The following PTDSS1 variants were observed in gnomAD, a reference collection of about 807,000 sequenced individuals.
PTDSS1 encodes the protein phosphatidylserine synthase 1.
Under a neutral mutation model 70.5 loss-of-function variants are expected in PTDSS1, and 45 were observed. The observed-to-expected ratio is 0.64, with a 90% CI of 0.50 to 0.82. The LOEUF (loss-of-function observed/expected upper bound fraction) is 0.82, where lower values mean the gene tolerates loss of function less well. Ranked by LOEUF, PTDSS1 falls within the 40% of genes least tolerant of loss-of-function variation. The pLI is 0.00. For missense variants in PTDSS1, 417 were observed against 586.1 expected, an observed-to-expected ratio of 0.71 and a Z score of 2.98; for synonymous variants, 188 against 203.8, an observed-to-expected ratio of 0.92 and a Z score of 0.66.
chr8:96,288,394 G>A (rs948035374), intron 4 of PTDSS1, among the ~76,000 whole-genome samples: 1 of 151,668 alleles, frequency 6.6e-6, no homozygotes, highest in South Asian at 2.1e-4. Context: ...GCACAATCTC[G>A]GCTCACTGCA....
chr8:96,263,958 A>G (rs1280448134), intron 1 of PTDSS1, among the ~76,000 whole-genome samples: 1 of 152,214 alleles, frequency 6.6e-6, no homozygotes, highest in African/African-American at 2.4e-5. Context: ...ATCCATTTGA[A>G]AGAATCTACC....
chr8:96,270,595 G>T (rs1810551982), intron 1 of PTDSS1, among the ~76,000 whole-genome samples: 1 of 152,112 alleles, frequency 6.6e-6, no homozygotes, highest in Non-Finnish European at 1.5e-5. Flanking sequence ...TGTGACATTG[G>T]GGCCTTTAGT....
At chr8:96,289,620 C>T (rs1482976905) in intron 4 of PTDSS1, among the ~76,000 whole-genome samples, 1 of 152,102 alleles carries the variant, frequency 6.6e-6, no homozygotes. Context: ...TTAATCCCAA[C>T]ATTTGGTACA....
chr8:96,310,446 G>A (rs1190571752), intron 9 of PTDSS1, among the ~76,000 whole-genome samples: 3 of 151,560 alleles, frequency 2.0e-5, no homozygotes, highest in Admixed American at 6.6e-5. Context: ...ACAGGCATGA[G>A]CCACCGCACC....
intron 4 of PTDSS1, among the ~76,000 whole-genome samples, chr8:96,291,851 G>A (rs1810911794): frequency 6.6e-6 from 1 of 152,160 alleles, no homozygotes; most frequent in Non-Finnish European, 1.5e-5. Flanking sequence ...AGCTGGTGCT[G>A]CGTATCACAC....
chr8:96,333,575 G>C lies in PTDSS1; in HGVS notation c.*9G>C. 2 of 1,594,440 alleles carry C rather than the reference G, an allele frequency of 1.3e-6. No homozygotes were observed. Among genetic ancestry groups the C allele is most frequent in the Non-Finnish European group, 1.7e-6 (2 of 1,162,150 alleles). On this transcript the variant is annotated 3_prime_UTR_variant, in exon 13 of 13. Transcript: ENST00000517309. ...GCGTTGGAAAGAAATGAAAAACCCT[G>C]GTTAATCAAAGATGTTCCAGAGTGC... is the stretch of plus-strand genomic sequence containing the variant.
intron 2 of PTDSS1, among the ~76,000 whole-genome samples, chr8:96,278,421 A>G (rs1303420861): frequency 6.6e-6 from 1 of 152,136 alleles, no homozygotes; most frequent in East Asian, 1.9e-4. Context: ...GAGTGGTAGG[A>G]TTAGGTCCCA....
At chr8:96,269,553 G>A (rs1243659023) in intron 1 of PTDSS1, among the ~76,000 whole-genome samples, 1 of 152,150 alleles carries the variant, frequency 6.6e-6, no homozygotes. Flanking sequence ...GCCAGGAAGA[G>A]TCAAGATGAG....
chr8:96,284,209 CT>C, intron 3 of PTDSS1, 56 bp downstream of exon 3: 1 of 1,481,624 alleles, frequency 6.7e-7, no homozygotes, highest in Non-Finnish European at 9.3e-7. Context: ...CTTTTTTCTG[CT>C]TATCACTTTA....
At chr8:96,290,130 C>T (rs1372755570) in intron 4 of PTDSS1, among the ~76,000 whole-genome samples, 2 of 152,006 alleles carry the variant, frequency 1.3e-5, no homozygotes, top group Admixed American at 6.6e-5. Flanking sequence ...AAACACAAGC[C>T]GATGGATCTC....
At chr8:96,279,819 A>T (rs1270484257) in intron 2 of PTDSS1, among the ~76,000 whole-genome samples, 1 of 35,942 alleles carries the variant, frequency 2.8e-5, no homozygotes, top group Non-Finnish European at 4.9e-5. Context: ...ACTCCATCTC[A>T]AATAAATAAA....
chr8:96,311,197 G>A (rs1334742285), intron 9 of PTDSS1, among the ~76,000 whole-genome samples: 2 of 152,128 alleles, frequency 1.3e-5, no homozygotes, highest in Non-Finnish European at 2.9e-5. Context: ...CTTAACATCA[G>A]CAACAATTTA....
At chr8:96,266,825 A>G (rs1286370190) in intron 1 of PTDSS1, among the ~76,000 whole-genome samples, 1 of 152,150 alleles carries the variant, frequency 6.6e-6, no homozygotes, top group Non-Finnish European at 1.5e-5. Context: ...TATTGAACTT[A>G]ATGTTTTACA....
At chr8:96,327,619 G>A (rs1811456202) in intron 10 of PTDSS1, among the ~76,000 whole-genome samples, 1 of 152,154 alleles carries the variant, frequency 6.6e-6, no homozygotes. Flanking sequence ...CCCTGGCCTG[G>A]TAAGAGAGCG....
At chr8:96,278,971 C>CA (rs1362662386) in intron 2 of PTDSS1, among the ~76,000 whole-genome samples, 1 of 135,564 alleles carries the variant, frequency 7.4e-6, no homozygotes, top group African/African-American at 2.9e-5. Flanking sequence ...ATTCAGCCCC[C>CA]CTTTTTTTTT....
intron 1 of PTDSS1, among the ~76,000 whole-genome samples, chr8:96,269,452 G>A (rs1421511182): frequency 6.6e-6 from 1 of 152,194 alleles, no homozygotes; most frequent in Non-Finnish European, 1.5e-5. Flanking sequence ...AGTCAAGGCG[G>A]TGTCACAGCA....
At chr8:96,282,969 C>T (rs1263304705) in intron 2 of PTDSS1, among the ~76,000 whole-genome samples, 1 of 152,192 alleles carries the variant, frequency 6.6e-6, no homozygotes, top group African/African-American at 2.4e-5. Flanking sequence ...ACAGGCACCA[C>T]CCACAGAGCT....
At chr8:96,315,733 A>T (rs575882205) in intron 9 of PTDSS1, among the ~76,000 whole-genome samples, 2 of 152,166 alleles carry the variant, frequency 1.3e-5, no homozygotes, top group South Asian at 4.2e-4. Context: ...TTGCCTTTTA[A>T]CCCTGCTAAA....
rs1810693999 is a variant in PTDSS1 at position 96,279,057 on chromosome 8, A to ACCTCCC, written c.272-5051_272-5046dup. Reference sequence around the variant, plus strand: ...ACAATCTTGGCTCACTGCACCCTCCACCTCCCGGGCTCAAGCGATTCTTGT... The same window carrying ACCTCCC: ...ACAATCTTGGCTCACTGCACCCTCCACCTCCCCCTCCCGGGCTCAAGCGATTCTTGT... On this transcript the variant is annotated intron_variant, in intron 2 of 12. Transcript: ENST00000517309. Among the ~76,000 whole-genome samples, 8 of 126,960 alleles carry ACCTCCC rather than the reference A, an allele frequency of 6.3e-5. No individual in the cohort carries two copies. In the South Asian group the frequency reaches 2.1e-3, roughly 33 times the overall value. The allele number at this position is 126,960 out of a possible 152,430, so 83.3% of individuals were successfully genotyped here.
Sources: allele counts gnomAD v4.1 joint callset (sites outside exome capture counted in the v4.1 genomes callset), GRCh38; gene constraint gnomAD v4.1.1; transcripts MANE v1.5; gene names NCBI Gene and HGNC (gene_info 2026-07-23, HGNC 2026-07-21).